VPS13A: variants seen among roughly 807,000 people sequenced by gnomAD.
VPS13A encodes vacuolar protein sorting 13 homolog A, also known as intermembrane lipid transfer protein VPS13A.
Under a neutral mutation model 390.9 loss-of-function variants are expected in VPS13A, and 264 were observed. The observed-to-expected ratio is 0.68, with a 90% CI of 0.61 to 0.75. The LOEUF is 0.75. VPS13A is among the 30% of genes least tolerant of loss of function. The pLI is 0.00. For missense variants in VPS13A, 3,409 were observed against 3,733.9 expected, an observed-to-expected ratio of 0.91 and a Z score of 2.27; for synonymous variants, 1,231 against 1,227.1, an observed-to-expected ratio of 1.00 and a Z score of -0.07.
Position 77,260,293 on chromosome 9 carries a change from A to G in VPS13A, c.2427+69A>G, listed in dbSNP as rs537310220. The G allele has an allele frequency of 3.3e-6, 5 of 1,536,194 alleles. No homozygotes were observed. The South Asian group carries it at 5.9e-5, about 18-fold the overall frequency. ...TCCACAAATAGTATTTCAAACAATC[A>G]CAGGAATTTTATATAAGACAATTTG... On this transcript the variant is annotated intron_variant, in intron 23 of 71. Coordinates refer to ENST00000360280, the MANE Select transcript of VPS13A (RefSeq NM_033305.3).
At chr9:77,259,456 G>A (rs777502233) in intron 22 of VPS13A, among the ~76,000 whole-genome samples, 1 of 152,156 alleles carries the variant, frequency 6.6e-6, no homozygotes, top group Non-Finnish European at 1.5e-5. Context: ...GAAAGATAAC[G>A]TAAGTAATCA....
chr9:77,409,898 C>A (rs1834832503), intron 71 of VPS13A, among the ~76,000 whole-genome samples: 1 of 151,324 alleles, frequency 6.6e-6, no homozygotes, highest in Non-Finnish European at 1.5e-5. Flanking sequence ...AGAACTTCCC[C>A]AATCTAGCAA....
Position 77,403,277 on chromosome 9 carries a change from C to T in VPS13A, c.9231C>T (p.Thr3077=). 2.5e-6 allele frequency: 4 copies of T among 1,612,204 alleles called. No homozygotes were observed. The highest frequency in any genetic ancestry group is 1.1e-5 in the South Asian group (1 of 91,032). Reference sequence around the variant, plus strand: ...GATTTGCAAAATACAAATATTTTACCCATGTCATGATCAATAAGACAGATA... The same window carrying T: ...GATTTGCAAAATACAAATATTTTACTCATGTCATGATCAATAAGACAGATA... The part of the protein sequence containing the change: ...NGRFAKYKYF[T]HVMINKTDML... The change falls in exon 69 of 72, where the codon ACC becomes ACT. Residue 3077 remains threonine, a synonymous_variant. Coordinates refer to ENST00000360280, the MANE Select transcript of VPS13A (RefSeq NM_033305.3).
rs369689680 is a variant in VPS13A, at chr9:77,177,780, C to T, written c.76C>T (p.Gln26Ter). The T allele has an allele frequency of 3.1e-6, 5 of 1,613,476 alleles. No individual in the cohort carries two copies. Among genetic ancestry groups the T allele is most frequent in the Non-Finnish European group, 4.2e-6 (5 of 1,179,662 alleles). ...CTATGTGGTGGACTTGGACACGTCC[C>T]AGCTCTCTCTGGGCATCTGGAAAGG... ...GDYVVDLDTS[Q>*]LSLGIWKGAV... The change falls in exon 1 of 72, where the codon CAG (glutamine) becomes TAG (stop). Residue 26 changes from glutamine (Q) to a stop codon, truncating the protein, a stop_gained. Coordinates refer to ENST00000360280, the MANE Select transcript of VPS13A (RefSeq NM_033305.3). LOFTEE classifies it high-confidence loss of function.
intron 33 of VPS13A, among the ~76,000 whole-genome samples, chr9:77,296,546 C>G (rs899428933): frequency 2.0e-5 from 3 of 152,130 alleles, no homozygotes; most frequent in Non-Finnish European, 4.4e-5. Context: ...TTAACTAACT[C>G]CCATTCTCTA....
chr9:77,388,796 A>G (rs906466578), intron 68 of VPS13A, among the ~76,000 whole-genome samples: 3 of 152,202 alleles, frequency 2.0e-5, no homozygotes, highest in African/African-American at 7.2e-5. Context: ...TCTACTATAA[A>G]TTATCATTTA....
intron 22 of VPS13A, among the ~76,000 whole-genome samples, chr9:77,254,261 A>G (rs1352944572): frequency 5.3e-5 from 8 of 152,126 alleles, no homozygotes; most frequent in Non-Finnish European, 1.0e-4. Context: ...TTGCATGCAA[A>G]TATCTCATTT....
Position 77,189,917 on chromosome 9 carries a change from A to G in VPS13A, c.101-10028A>G, listed in dbSNP as rs181079450. ...GGCTCTCAGCTTGGATGTTATTGGT[A>G]TATAGAAATACTACTGATTTTTGTA... On this transcript the variant is annotated intron_variant, in intron 1 of 71. Transcript: ENST00000360280. 1.9e-3 allele frequency among the ~76,000 whole-genome samples: 283 copies of G among 152,114 alleles called. 1 individual carries two copies. Among genetic ancestry groups the G allele is most frequent in the African/African-American group, 6.4e-3 (267 of 41,506 alleles).
intron 31 of VPS13A, among the ~76,000 whole-genome samples, chr9:77,286,113 C>CT (rs551295547): frequency 6.6e-6 from 1 of 151,852 alleles, no homozygotes; most frequent in Admixed American, 6.6e-5. Context: ...GTGTAGCTGT[C>CT]TTTTTTTTCT....
Position 77,339,733 on chromosome 9 carries a change from A to C in VPS13A, c.6596A>C (p.His2199Pro). Residue 2199 changes from histidine (H) to proline (P), a missense_variant, in exon 48 of 72, where the codon CAT becomes CCT. Coordinates refer to ENST00000360280, the MANE Select transcript of VPS13A (RefSeq NM_033305.3). ...MEKTDLDIAV[H>P]MTYNTGQTVV... ...AAGACTGATTTAGATATTGCTGTCC[A>C]TATGACTTACAATACTGGTCAGACA... The C allele has an allele frequency of 6.2e-7, 1 of 1,614,106 alleles. No homozygotes were observed. Among genetic ancestry groups the C allele is most frequent in the Non-Finnish European group, 8.5e-7 (1 of 1,179,990 alleles).
At chr9:77,385,312 A>G (rs1161111743) in intron 68 of VPS13A, 3 of 428,850 alleles carry the variant, frequency 7.0e-6, no homozygotes, top group Non-Finnish European at 9.3e-6. Context: ...AGAATGAAAA[A>G]GACCGTTCTT....
chr9:77,233,808 G>T (rs1352071144), intron 17 of VPS13A, among the ~76,000 whole-genome samples: 1 of 152,036 alleles, frequency 6.6e-6, no homozygotes, highest in African/African-American at 2.4e-5. Context: ...CCTAACATTT[G>T]GTCTATCCTG....
intron 34 of VPS13A, 49 bp from the exon 35 acceptor site, chr9:77,307,896 T>C: frequency 6.9e-7 from 1 of 1,456,946 alleles, no homozygotes; most frequent in South Asian, 1.2e-5. Context: ...AGTTAAATTC[T>C]GCAATGAAGT....
At chr9:77,290,672 CCT>C (rs1193360694) in intron 31 of VPS13A, among the ~76,000 whole-genome samples, 4 of 152,098 alleles carry the variant, frequency 2.6e-5, no homozygotes, top group Non-Finnish European at 5.9e-5. Context: ...TTTATCTTGA[CCT>C]ATTTTCAAAT....
At chr9:77,378,148 T>C (rs1388575669) in intron 67 of VPS13A, among the ~76,000 whole-genome samples, 2 of 152,182 alleles carry the variant, frequency 1.3e-5, no homozygotes, top group Non-Finnish European at 2.9e-5. Context: ...CTGGTATGGG[T>C]ATCAGGGTAA....
At chr9:77,397,312 A>C (rs572063047) in intron 68 of VPS13A, among the ~76,000 whole-genome samples, 123 of 150,712 alleles carry the variant, frequency 8.2e-4, no homozygotes, top group African/African-American at 3.0e-3. Flanking sequence ...TTAATCCCCC[A>C]TTTTTGCTAT....
At chr9:77,389,257 A>G (rs1374136127) in intron 68 of VPS13A, among the ~76,000 whole-genome samples, 3 of 151,968 alleles carry the variant, frequency 2.0e-5, no homozygotes, top group African/African-American at 7.3e-5. Flanking sequence ...AATATCCGTA[A>G]TTGGGAAACC....
chr9:77,414,822 C>G (rs1835105832), intron 71 of VPS13A, among the ~76,000 whole-genome samples: 1 of 151,860 alleles, frequency 6.6e-6, no homozygotes. Flanking sequence ...GGCCTCCTGG[C>G]CAGACTCAGA....
intron 31 of VPS13A, 103 bp from the exon 32 acceptor site, chr9:77,293,238 A>G: frequency 9.4e-7 from 1 of 1,061,608 alleles, no homozygotes; most frequent in Non-Finnish European, 1.4e-6. Context: ...AATACTTGGG[A>G]GATTTTCTAA....
Sources: gnomAD v4.1 joint callset for allele counts (sites outside exome capture counted in the v4.1 genomes callset) on GRCh38, gnomAD v4.1.1 for gene constraint, MANE v1.5 for transcripts, NCBI Gene and HGNC (gene_info 2026-07-23, HGNC 2026-07-21) for gene names.